The following MCF2L2 variants were observed in gnomAD, a reference collection of about 807,000 sequenced individuals.
MCF2L2 encodes the protein MCF.2 cell line derived transforming sequence-like 2, also known as probable guanine nucleotide exchange factor MCF2L2.
MCF2L2 carries 102 observed loss-of-function variants against 150.2 expected under a neutral mutation model. The ratio of observed to expected loss-of-function variants is 0.68; its 90% CI spans 0.58 to 0.80. MCF2L2 has a LOEUF of 0.80. MCF2L2 is among the 30% of genes least tolerant of loss of function. MCF2L2 has a pLI of 0.00. For synonymous variants in MCF2L2, 465 were observed against 491.3 expected, an observed-to-expected ratio of 0.95 and a Z score of 0.71; for missense variants, 1,256 against 1,372.8, an observed-to-expected ratio of 0.91 and a Z score of 1.34.
Position 183,179,143 on chromosome 3 carries a change from G to C in MCF2L2, c.*237C>G. On this transcript the variant is annotated 3_prime_UTR_variant, in exon 30 of 30. Transcript: ENST00000328913. The surrounding 1 kb of genome is among the most constrained non-coding windows in gnomAD (Gnocchi z 4.2). ...GCGCGGTCGAGAAGGCGTGGGCTGC[G>C]GGCTCTGCTCGCCTCTGCAGGCGCC... 2.3e-6 allele frequency: 1 copy of C among 426,374 alleles called. No homozygotes were observed. The highest frequency in any genetic ancestry group is 3.6e-5 in the East Asian group (1 of 27,512). The allele number at this position is 426,374 out of a possible 1,614,324, so 26.4% of individuals were successfully genotyped here.
chr3:183,389,661 C>T (rs776731783), intron 2 of MCF2L2, 35 bp downstream of exon 2: 4 of 1,583,332 alleles, frequency 2.5e-6, no homozygotes, highest in Non-Finnish European at 3.5e-6. Flanking sequence ...ACCCCCCCAT[C>T]AAAATCTGGA....
At chr3:183,420,523 C>T (rs71314302) in intron 1 of MCF2L2, among the ~76,000 whole-genome samples, 22,873 of 152,124 alleles carry the variant, frequency 0.15, 1,930 homozygotes, top group South Asian at 0.21. Flanking sequence ...ACTTGAACCC[C>T]AGGAGTGGGA....
intron 3 of MCF2L2, among the ~76,000 whole-genome samples, chr3:183,364,242 A>C (rs1178101643): frequency 1.3e-5 from 2 of 152,262 alleles, no homozygotes; most frequent in Middle Eastern, 3.4e-3. Flanking sequence ...AGAGGCCAGG[A>C]GCAGGGGCTT....
intron 15 of MCF2L2, among the ~76,000 whole-genome samples, chr3:183,260,597 G>A (rs1030934133): frequency 2.0e-5 from 3 of 152,010 alleles, no homozygotes; most frequent in Non-Finnish European, 4.4e-5. Flanking sequence ...ATAATCCCAT[G>A]CCACCAGTCC....
At chr3:183,272,492 G>A in intron 15 of MCF2L2, 2 of 997,544 alleles carry the variant, frequency 2.0e-6, no homozygotes, top group Non-Finnish European at 2.4e-6. Context: ...ATTTTTAGCA[G>A]GTAGCTTTTT....
chr3:183,281,183 T>A (rs1727454762), intron 14 of MCF2L2, among the ~76,000 whole-genome samples: 1 of 151,818 alleles, frequency 6.6e-6, no homozygotes, highest in African/African-American at 2.4e-5. Flanking sequence ...CTCTACCAAA[T>A]GGGATGCAGG....
intron 26 of MCF2L2, among the ~76,000 whole-genome samples, chr3:183,194,737 G>T (rs905334183): frequency 1.2e-4 from 19 of 152,042 alleles, no homozygotes; most frequent in Non-Finnish European, 2.8e-4. Flanking sequence ...CAGTGGGGTT[G>T]CGAACTGATT....
intron 15 of MCF2L2, among the ~76,000 whole-genome samples, chr3:183,234,459 C>A (rs1450269816): frequency 1.6e-4 from 24 of 152,142 alleles, no homozygotes; most frequent in Admixed American, 1.6e-3. Context: ...GAAAAAAAGT[C>A]TAGAAATCTC....
Position 183,295,406 on chromosome 3 carries a change from C to G in MCF2L2, c.1569G>C (p.Leu523=). 1 of 1,614,152 alleles carries G rather than the reference C, an allele frequency of 6.2e-7. No individual in the cohort carries two copies. Among genetic ancestry groups the G allele is most frequent in the Non-Finnish European group, 8.5e-7 (1 of 1,180,006 alleles). Residue 523 remains leucine, a synonymous_variant, in exon 13 of 30, where the codon CTG becomes CTC. Transcript: ENST00000328913. ...QEIFHKRQVS[L]MKLAAKQTRP... is the part of the protein sequence containing the mutation. Reference sequence around the variant, plus strand: ...GAGTCTGTTTGGCTGCCAGTTTCATCAGACTCACTTGCCTCTTGTGAAATA... The same window carrying G: ...GAGTCTGTTTGGCTGCCAGTTTCATGAGACTCACTTGCCTCTTGTGAAATA...
In MCF2L2 at chr3:183,267,602, C is replaced by A. The variant is rs1046304215; in HGVS notation, c.1862+9270G>T. Among the ~76,000 whole-genome samples, 1 of 152,050 alleles carries A rather than the reference C, an allele frequency of 6.6e-6. No homozygotes were observed. ...CCCTGGGGCTTGCTATGTGGCTCAG[C>A]CTACACGGCTCTCTCCCCGTCAGTC... is the stretch of plus-strand genomic sequence containing the variant. On this transcript the variant is annotated intron_variant, in intron 15 of 29. Coordinates refer to ENST00000328913, the MANE Select transcript of MCF2L2 (RefSeq NM_015078.4). This position sits in a 1 kb window ranked among gnomAD's most constrained non-coding sequence, Gnocchi z 5.5.
intron 2 of MCF2L2, among the ~76,000 whole-genome samples, chr3:183,381,068 G>A (rs75664477): frequency 0.08 from 12,235 of 152,160 alleles, 545 homozygotes; most frequent in African/African-American, 0.12. Context: ...AATTGAGAGG[G>A]TTTGGGAACC....
At chr3:183,341,879 G>A (rs1385285396) in intron 3 of MCF2L2, among the ~76,000 whole-genome samples, 2 of 152,236 alleles carry the variant, frequency 1.3e-5, no homozygotes, top group African/African-American at 2.4e-5. Context: ...AAAGGAACAC[G>A]TGTTCAAGCC....
chr3:183,179,256 C>G lies in MCF2L2; in HGVS notation c.*124G>C, dbSNP rs1338123792. The G allele has an allele frequency of 7.6e-7, 1 of 1,312,194 alleles. No individual in the cohort carries two copies. The highest frequency in any genetic ancestry group is 3.1e-5 in the East Asian group (1 of 32,578). 81.3% of individuals were successfully genotyped at this position (1,312,194 alleles called of 1,614,324 possible). ...CCTCGGAGGAGGCCCTGGTTGTCCC[C>G]TTTCTGCCGCCGCCGAGGCTCCGGC... is the stretch of plus-strand genomic sequence containing the variant. On this transcript the variant is annotated 3_prime_UTR_variant, in exon 30 of 30. Transcript: ENST00000328913. The surrounding 1 kb of genome is among the most constrained non-coding windows in gnomAD (Gnocchi z 4.2).
In MCF2L2 at chr3:183,268,578, G is replaced by C. The variant is rs1726387015; in HGVS notation, c.1862+8294C>G. ...AGTTAGGCACATGTAAAGAGAAACA[G>C]GAACAGCAGGTTTTAGGGGAGAAGA... On this transcript the variant is annotated intron_variant, in intron 15 of 29. Coordinates refer to ENST00000328913, the MANE Select transcript of MCF2L2 (RefSeq NM_015078.4). Among the ~76,000 whole-genome samples the C allele has an allele frequency of 2.0e-5, 3 of 152,248 alleles. No homozygotes were observed. The South Asian group carries it at 6.2e-4, about 32-fold the overall frequency.
chr3:183,401,537 C>T (rs1714756635), intron 1 of MCF2L2, among the ~76,000 whole-genome samples: 1 of 152,186 alleles, frequency 6.6e-6, no homozygotes, highest in African/African-American at 2.4e-5. Context: ...TGTAACCCAT[C>T]CCTCTTTCAA....
chr3:183,276,892 G>C lies in MCF2L2; in HGVS notation c.1842C>G (p.Leu614=), dbSNP rs376891180. 6.2e-7 allele frequency: 1 copy of C among 1,610,514 alleles called. No homozygotes were observed. The highest frequency in any genetic ancestry group is 8.5e-7 in the Non-Finnish European group (1 of 1,178,226). ...CTTACCTGCGGGGGGAAAGGTCTCC[G>C]AGCCTGGCCTGCTGCTCCAGCTCAG... is the stretch of plus-strand genomic sequence containing the variant. ...GNPELEQQAR[L]GDLSPRRRII... is the part of the protein sequence containing the mutation. Residue 614 remains leucine (L), a synonymous_variant, in exon 15 of 30, where the codon CTC becomes CTG. Transcript: ENST00000328913.
At chr3:183,310,303 C>T (rs998865880) in intron 9 of MCF2L2, among the ~76,000 whole-genome samples, 6 of 152,196 alleles carry the variant, frequency 3.9e-5, no homozygotes, top group South Asian at 2.1e-4. Context: ...GAGATTGAGA[C>T]CATCCTGGCT....
At chr3:183,426,442 A>G (rs1339464322) in intron 1 of MCF2L2, among the ~76,000 whole-genome samples, 3 of 152,216 alleles carry the variant, frequency 2.0e-5, no homozygotes, top group Non-Finnish European at 2.9e-5. Context: ...GTATAATCAC[A>G]GTGTACACAG....
chr3:183,395,608 C>T (rs987338843), intron 1 of MCF2L2, among the ~76,000 whole-genome samples: 9 of 152,062 alleles, frequency 5.9e-5, no homozygotes, highest in African/African-American at 2.2e-4. Flanking sequence ...CTGATGTAAC[C>T]ATCAAACAGA....
Sources: gnomAD v4.1 joint callset for allele counts (sites outside exome capture counted in the v4.1 genomes callset) on GRCh38, gnomAD v4.1.1 for gene constraint, Gnocchi (gnomAD v3.1) non-coding constraint, MANE v1.5 for transcripts, NCBI Gene and HGNC (gene_info 2026-07-23, HGNC 2026-07-21) for gene names.